Variants in WDR41 observed in about 807,000 individuals in gnomAD.
The protein encoded by WDR41 is WD repeat-containing protein 41.
WDR41 carries 63 observed loss-of-function variants against 69.3 expected under a neutral mutation model. The observed-to-expected ratio is 0.91, with a 90% CI of 0.74 to 1.12. WDR41 has a LOEUF of 1.12. Among genes scored for constraint, WDR41 ranks in the 50% most tolerant of loss-of-function variants. WDR41 has a pLI of 0.00. For missense variants in WDR41, 543 were observed against 534.5 expected, an observed-to-expected ratio of 1.02 and a Z score of -0.16; for synonymous variants, 185 against 192.1, an observed-to-expected ratio of 0.96 and a Z score of 0.31.
At chr5:77,479,933 G>C (rs1316550858) in intron 2 of WDR41, 5 of 151,766 alleles carry the variant, frequency 3.3e-5, no homozygotes, top group African/African-American at 1.2e-4. Flanking sequence ...ATCTGACAAA[G>C]GGCTAATATC....
intron 1 of WDR41, among the ~76,000 whole-genome samples, chr5:77,530,009 C>G (rs1215851721): frequency 1.4e-5 from 2 of 140,420 alleles, no homozygotes; most frequent in Non-Finnish European, 3.1e-5. Flanking sequence ...AGGCTTCTCT[C>G]AAGATACAGA....
intron 1 of WDR41, among the ~76,000 whole-genome samples, chr5:77,529,266 G>T (rs1802489796): frequency 6.6e-6 from 1 of 151,164 alleles, no homozygotes; most frequent in South Asian, 2.1e-4. Flanking sequence ...GACACTTTAA[G>T]ATGCCATTTA....
chr5:77,444,493 C>T (rs1370445769), intron 8 of WDR41, among the ~76,000 whole-genome samples: 1 of 152,222 alleles, frequency 6.6e-6, no homozygotes, highest in Admixed American at 6.5e-5. Flanking sequence ...AACCTTCTGC[C>T]TGGGCATTCC....
intron 2 of WDR41, among the ~76,000 whole-genome samples, chr5:77,484,161 C>T (rs980635168): frequency 2.0e-5 from 3 of 152,132 alleles, no homozygotes; most frequent in East Asian, 3.8e-4. Context: ...CAGCAATTAC[C>T]GTTTCACTCA....
chr5:77,573,268 TTTA>T lies in WDR41; in HGVS notation c.42+47208_42+47210del, dbSNP rs1341169831. 1.8e-4 allele frequency among the ~76,000 whole-genome samples: 26 copies of T among 142,086 alleles called. 1 individual carries two copies. The Admixed American group carries it at 2.1e-3, about 11-fold the overall frequency. The allele number at this position is 142,086 out of a possible 152,430, so 93.2% of individuals were successfully genotyped here. On this transcript the variant is annotated intron_variant, in intron 1 of 5. Coordinates refer to the WDR41 transcript ENST00000509971. The stretch of plus-strand genomic sequence containing the variant: ...CAGATTCTCTCTCTCTCTCTCTCTC[TTTA>T]TTTTTTTTTTAATTTTACTTTAAGT...
At chr5:77,520,757 T>C (rs1386792849) in intron 1 of WDR41, among the ~76,000 whole-genome samples, 1 of 152,188 alleles carries the variant, frequency 6.6e-6, no homozygotes, top group Non-Finnish European at 1.5e-5. Flanking sequence ...AAGAGTTACT[T>C]GTAGGTAAGT....
intron 1 of WDR41, among the ~76,000 whole-genome samples, chr5:77,524,823 C>G (rs747408950): frequency 2.0e-5 from 3 of 152,212 alleles, no homozygotes; most frequent in Non-Finnish European, 2.9e-5. Context: ...GTGGAGAGGA[C>G]AGTCTTAGCC....
intron 2 of WDR41, among the ~76,000 whole-genome samples, chr5:77,481,484 T>G (rs72769069): frequency 0.018 from 2,745 of 152,062 alleles, 34 homozygotes; most frequent in Middle Eastern, 0.062. Context: ...CCACTGTGGG[T>G]ACATATTAAA....
At chr5:77,570,864 A>T (rs1399826295) in intron 1 of WDR41, among the ~76,000 whole-genome samples, 1 of 152,066 alleles carries the variant, frequency 6.6e-6, no homozygotes, top group Non-Finnish European at 1.5e-5. Flanking sequence ...AAGCAATGAA[A>T]GAAATCATCG....
intron 1 of WDR41, among the ~76,000 whole-genome samples, chr5:77,605,164 C>T (rs1003913659): frequency 2.6e-5 from 4 of 152,130 alleles, no homozygotes; most frequent in African/African-American, 9.7e-5. Flanking sequence ...TTGAACCAGC[C>T]CTAAATAAAA....
intron 2 of WDR41, among the ~76,000 whole-genome samples, chr5:77,469,698 GAATGA>G (rs1800480358): frequency 6.6e-6 from 1 of 151,572 alleles, no homozygotes; most frequent in African/African-American, 2.4e-5. Flanking sequence ...AAGATCAAAT[GAATGA>G]AATGAAGTGA....
rs1798730627 is a variant in WDR41 at position 77,431,769 on chromosome 5, C to CA, written c.*1365dup. The CA allele has an allele frequency of 6.6e-6, 1 of 152,184 alleles. No homozygotes were observed. The highest frequency in any genetic ancestry group is 1.9e-4 in the East Asian group (1 of 5,190). The allele number at this position is 152,184 out of a possible 1,614,324, so 9.4% of individuals were successfully genotyped here. On this transcript the variant is annotated 3_prime_UTR_variant, in exon 13 of 13. Transcript: ENST00000296679. ...AATGCAGAATTTCTAAAGGAAAAAGCACGTGAATAATGGGAGAAAGTCTTC... is the reference window on the plus strand; with the variant it reads ...AATGCAGAATTTCTAAAGGAAAAAGCAACGTGAATAATGGGAGAAAGTCTTC...
At chr5:77,443,947 A>G (rs938250811) in intron 8 of WDR41, among the ~76,000 whole-genome samples, 1 of 144,248 alleles carries the variant, frequency 6.9e-6, no homozygotes, top group African/African-American at 2.6e-5. Flanking sequence ...CAGTAACACA[A>G]TCTTGGCTCC....
chr5:77,581,552 A>G (rs1161072473), intron 1 of WDR41, among the ~76,000 whole-genome samples: 2 of 152,234 alleles, frequency 1.3e-5, no homozygotes, highest in Admixed American at 6.5e-5. Context: ...AACAGTATAC[A>G]TTCTTCTCAA....
At chr5:77,470,366 T>A (rs1368269255) in intron 2 of WDR41, among the ~76,000 whole-genome samples, 1 of 151,962 alleles carries the variant, frequency 6.6e-6, no homozygotes, top group Non-Finnish European at 1.5e-5. Context: ...AGAAACTGCA[T>A]CAACTAACAA....
intron 8 of WDR41, among the ~76,000 whole-genome samples, chr5:77,445,920 C>G (rs548148511): frequency 2.6e-5 from 4 of 152,160 alleles, no homozygotes; most frequent in Non-Finnish European, 2.9e-5. Flanking sequence ...GAAGTTCTGT[C>G]CAGGGCAATC....
At chr5:77,462,321 A>G (rs546778939) in intron 4 of WDR41, among the ~76,000 whole-genome samples, 1 of 150,610 alleles carries the variant, frequency 6.6e-6, no homozygotes, top group East Asian at 2.0e-4. Context: ...AAGCAGGAGA[A>G]TCGCTTGAAC....
At chr5:77,490,120 C>T (rs995408819) in intron 1 of WDR41, among the ~76,000 whole-genome samples, 5 of 145,126 alleles carry the variant, frequency 3.4e-5, no homozygotes, top group Non-Finnish European at 4.5e-5. Flanking sequence ...TCGCACCACA[C>T]GCCCAACTAA....
intron 1 of WDR41, among the ~76,000 whole-genome samples, chr5:77,510,061 T>C (rs898236561): frequency 2.0e-5 from 3 of 152,128 alleles, no homozygotes; most frequent in African/African-American, 7.2e-5. Context: ...TCACCAGGTG[T>C]ATTAGTCCAT....
Sources: allele counts gnomAD v4.1 joint callset (sites outside exome capture counted in the v4.1 genomes callset), GRCh38; gene constraint gnomAD v4.1.1; transcripts MANE v1.5; gene names NCBI Gene and HGNC (gene_info 2026-07-23, HGNC 2026-07-21).